The following CSE1L variants were observed in gnomAD, a reference collection of about 807,000 sequenced individuals.
CSE1L encodes the protein chromosome segregation 1 like, also known as exportin-2.
In CSE1L, 24 loss-of-function variants were observed where a neutral mutation model predicts 120.4. The ratio of observed to expected loss-of-function variants is 0.20; its 90% CI spans 0.14 to 0.28. The LOEUF (loss-of-function observed/expected upper bound fraction) is 0.28, where lower values mean the gene tolerates loss of function less well. Among genes scored for constraint, CSE1L ranks in the 10% least tolerant of loss-of-function variants. The pLI, the probability that CSE1L is intolerant of heterozygous loss-of-function variation, is 1.00. For missense variants in CSE1L, 830 were observed against 1,145.2 expected, an observed-to-expected ratio of 0.72 and a Z score of 3.97; for synonymous variants, 402 against 398.3, an observed-to-expected ratio of 1.01 and a Z score of -0.11.
At chr20:49,074,197 G>A (rs1168813397) in intron 10 of CSE1L, among the ~76,000 whole-genome samples, 16 of 132,948 alleles carry the variant, frequency 1.2e-4, no homozygotes, top group Non-Finnish European at 1.7e-4. Flanking sequence ...GTGTGTGTGT[G>A]TGTGTGTGTG....
At chr20:49,071,140 C>G (rs2091928708) in intron 8 of CSE1L, among the ~76,000 whole-genome samples, 1 of 151,960 alleles carries the variant, frequency 6.6e-6, no homozygotes, top group Non-Finnish European at 1.5e-5. Flanking sequence ...ATTTCAATAC[C>G]AAATAAACTA....
chr20:49,083,229 C>G (rs894931112), intron 14 of CSE1L, among the ~76,000 whole-genome samples: 1 of 151,960 alleles, frequency 6.6e-6, no homozygotes, highest in Non-Finnish European at 1.5e-5. Context: ...CCATGTTAGC[C>G]AGGATGGTCT....
intron 21 of CSE1L, 37 bp downstream of exon 21, chr20:49,091,059 G>A: frequency 1.5e-6 from 2 of 1,320,516 alleles, no homozygotes; most frequent in East Asian, 2.3e-5. Context: ...CAGAAGTAAT[G>A]AAAGAAGGTA....
chr20:49,079,716 A>G (rs995626575), intron 14 of CSE1L, among the ~76,000 whole-genome samples: 3 of 152,146 alleles, frequency 2.0e-5, no homozygotes, highest in South Asian at 2.1e-4. Flanking sequence ...ATCCTCATAT[A>G]TGAAAAGCCA....
chr20:49,047,662 C>T (rs1461017761), intron 1 of CSE1L, among the ~76,000 whole-genome samples: 3 of 145,910 alleles, frequency 2.1e-5, no homozygotes, highest in Non-Finnish European at 3.0e-5. Context: ...CTGCAACCTC[C>T]GCCTCCCGGA....
intron 13 of CSE1L, among the ~76,000 whole-genome samples, chr20:49,077,572 T>C (rs2091979117): frequency 6.6e-6 from 1 of 152,212 alleles, no homozygotes; most frequent in African/African-American, 2.4e-5. Flanking sequence ...TAGGAATAAA[T>C]ACAACTAAAC....
intron 15 of CSE1L, 59 bp from the exon 16 acceptor site, chr20:49,085,224 A>G: frequency 7.9e-7 from 1 of 1,268,314 alleles, no homozygotes; most frequent in Admixed American, 1.7e-5. Flanking sequence ...TGCCAAGGGT[A>G]ATCTGCAGTG....
At chr20:49,086,633 G>A (rs111701495) in intron 16 of CSE1L, among the ~76,000 whole-genome samples, 7 of 152,090 alleles carry the variant, frequency 4.6e-5, no homozygotes, top group African/African-American at 1.7e-4. Flanking sequence ...CCAAAGTGCT[G>A]GGATTACAGG....
intron 14 of CSE1L, among the ~76,000 whole-genome samples, chr20:49,079,161 G>C (rs1382760597): frequency 6.6e-6 from 1 of 151,860 alleles, no homozygotes; most frequent in Non-Finnish European, 1.5e-5. Context: ...CCAAAGTGCT[G>C]GGACTACAGG....
intron 1 of CSE1L, among the ~76,000 whole-genome samples, chr20:49,055,844 C>G (rs1007311359): frequency 1.3e-5 from 2 of 151,920 alleles, no homozygotes; most frequent in Non-Finnish European, 2.9e-5. Context: ...TATCACTGTT[C>G]TACATTTTGG....
intron 21 of CSE1L, among the ~76,000 whole-genome samples, chr20:49,091,645 C>T (rs1013109315): frequency 6.6e-6 from 1 of 152,000 alleles, no homozygotes; most frequent in Non-Finnish European, 1.5e-5. Context: ...ATCACTTGAC[C>T]CTGGGAAGTT....
At chr20:49,089,921 C>T (rs527865688) in intron 19 of CSE1L, among the ~76,000 whole-genome samples, 175 bp downstream of exon 19, 1 of 152,100 alleles carries the variant, frequency 6.6e-6, no homozygotes, top group East Asian at 1.9e-4. Context: ...AGTTTAAGAC[C>T]AGCCTAGGCA....
Position 49,089,563 on chromosome 20 carries a change from G to A in CSE1L, c.1998G>A (p.Val666=). ...VQEFIPYVFQ[V]MSLLLETHKN... is the part of the protein sequence containing the mutation. ...AATTTATTCCATACGTCTTTCAAGT[G>A]ATGTCTTTGCTTCTGGAAACACACA... The change falls in exon 19 of 25, where the codon GTG becomes GTA. Residue 666 remains valine (V), a synonymous_variant. Coordinates refer to ENST00000262982, the MANE Select transcript of CSE1L (RefSeq NM_001316.4). The A allele has an allele frequency of 6.2e-7, 1 of 1,614,094 alleles. No individual in the cohort carries two copies. Among genetic ancestry groups the A allele is most frequent in the Non-Finnish European group, 8.5e-7 (1 of 1,180,008 alleles).
chr20:49,056,939 TATA>T (rs1568763156), intron 1 of CSE1L, among the ~76,000 whole-genome samples: 2 of 151,618 alleles, frequency 1.3e-5, no homozygotes, highest in Non-Finnish European at 3.0e-5. Context: ...AATACATTAT[TATA>T]GTCACCTTGT....
At chr20:49,060,314 T>C (rs1023933985) in intron 2 of CSE1L, among the ~76,000 whole-genome samples, 1 of 151,404 alleles carries the variant, frequency 6.6e-6, no homozygotes, top group East Asian at 1.9e-4. Flanking sequence ...AAACCCTGTC[T>C]CTACTAAAAA....
Position 49,047,717 on chromosome 20 carries a change from C to A in CSE1L, c.-12+1294C>A, listed in dbSNP as rs903980339. 2.0e-5 allele frequency among the ~76,000 whole-genome samples: 3 copies of A among 151,336 alleles called. No individual in the cohort carries two copies. In the South Asian group the frequency reaches 6.3e-4, roughly 32 times the overall value. On this transcript the variant is annotated intron_variant, in intron 1 of 24. Transcript: ENST00000262982. ...TCAGCCTCCCGAATAGCTGAGACTA[C>A]AGGTCTGAGACTACACGCCACCACA...
In CSE1L at chr20:49,058,439, A is replaced by G; in HGVS notation, c.-11-14A>G. On this transcript the variant is annotated splice_polypyrimidine_tract_variant and intron_variant, in intron 1 of 24. Coordinates refer to ENST00000262982, the MANE Select transcript of CSE1L (RefSeq NM_001316.4). ...GTAAGTGACCAGTTATCCAAACCTT[A>G]TTTTATATTTTAGATCCTATAGCAA... 2 of 1,563,234 alleles carry G rather than the reference A, an allele frequency of 1.3e-6. No homozygotes were observed. The highest frequency in any genetic ancestry group is 1.7e-6 in the Non-Finnish European group (2 of 1,144,648).
chr20:49,074,734 G>A (rs762344014), intron 10 of CSE1L, 51 bp from the exon 11 acceptor site: 4 of 1,497,844 alleles, frequency 2.7e-6, no homozygotes, highest in Non-Finnish European at 3.7e-6. Flanking sequence ...CAGCTGTAAA[G>A]TACAGTGACG....
At chr20:49,066,041 C>A (rs567408792) in intron 3 of CSE1L, 151 bp from the exon 4 acceptor site, 74 of 651,612 alleles carry the variant, frequency 1.1e-4, no homozygotes, top group Non-Finnish European at 1.7e-4. Context: ...GTGACCCATT[C>A]ATGTAGAGGG....
Sources: gnomAD v4.1 joint callset for allele counts (sites outside exome capture counted in the v4.1 genomes callset) on GRCh38, gnomAD v4.1.1 for gene constraint, MANE v1.5 for transcripts, NCBI Gene and HGNC (gene_info 2026-07-23, HGNC 2026-07-21) for gene names.